Variants in GBF1 observed in about 807,000 individuals in gnomAD.
GBF1 encodes the protein golgi brefeldin A resistant guanine nucleotide exchange factor 1.
In GBF1, 114 loss-of-function variants were observed where a neutral mutation model predicts 210.5. The observed-to-expected ratio is 0.54, with a 90% CI of 0.47 to 0.63. GBF1 has a LOEUF of 0.63. Among genes scored for constraint, GBF1 ranks in the 30% least tolerant of loss-of-function variants. The probability of loss-of-function intolerance (pLI) is 0.00; values close to 1 mark genes in which losing one functional copy is unlikely to be tolerated. For missense variants in GBF1, 1,851 were observed against 2,357.7 expected (o/e 0.79, Z 4.45); for synonymous variants, 850 against 889.2 (o/e 0.96, Z 0.78).
rs1403947097 is a variant in GBF1, at chr10:102,363,133, C to G, written c.1877-123C>G. 6 of 836,884 alleles carry G rather than the reference C, an allele frequency of 7.2e-6. No individual in the cohort carries two copies. The Admixed American group carries it at 1.3e-4, about 18-fold the overall frequency. 51.8% of individuals were successfully genotyped at this position (836,884 alleles called of 1,614,324 possible). A position where few individuals can be genotyped will look rare whatever the true frequency, so the allele number is the denominator to read the frequency against. On this transcript the variant is annotated intron_variant, in intron 15 of 39. Coordinates refer to ENST00000369983, the MANE Select transcript of GBF1 (RefSeq NM_001377137.1). The surrounding 1 kb of genome is among the most constrained non-coding windows in gnomAD (Gnocchi z 4.2). ...CTTATTTTGGCTTGGGTTTGTCCTG[C>G]TCAGGGCTGGCGCCCTGTGCAGGAA...
intron 33 of GBF1, 143 bp from the exon 34 acceptor site, chr10:102,379,141 G>T: frequency 1.4e-6 from 1 of 699,858 alleles, no homozygotes. Flanking sequence ...CAAGTCAAGG[G>T]AAAGAGTAGC....
At chr10:102,323,704 C>T (rs1030477064) in intron 3 of GBF1, among the ~76,000 whole-genome samples, 3 of 151,988 alleles carry the variant, frequency 2.0e-5, no homozygotes, top group Non-Finnish European at 1.5e-5. Flanking sequence ...CCATGCCTGG[C>T]CATAAGCTTG....
chr10:102,295,458 G>A (rs1043636984), intron 3 of GBF1, among the ~76,000 whole-genome samples: 2 of 152,138 alleles, frequency 1.3e-5, no homozygotes, highest in African/African-American at 2.4e-5. Context: ...TGCAAATTGA[G>A]CACTAACTAA....
In GBF1 at chr10:102,273,412, G is replaced by A. The variant is rs572227541; in HGVS notation, c.163+13296G>A. ...TTAAGAAAGATAAGTATTGTTTTTC[G>A]CAACTTGTTTTAGTTAGAAACCTGT... On this transcript the variant is annotated intron_variant, in intron 3 of 39. Transcript: ENST00000369983. 3.9e-5 allele frequency among the ~76,000 whole-genome samples: 6 copies of A among 152,210 alleles called. No homozygotes were observed. The East Asian group carries it at 5.8e-4, about 15-fold the overall frequency.
intron 1 of GBF1, among the ~76,000 whole-genome samples, chr10:102,247,555 G>A (rs1161466556): frequency 6.6e-6 from 1 of 152,170 alleles, no homozygotes; most frequent in Non-Finnish European, 1.5e-5. Flanking sequence ...TAGTCTCTGG[G>A]TAGGCAGTGT....
intron 3 of GBF1, among the ~76,000 whole-genome samples, chr10:102,279,537 G>A (rs1467766753): frequency 6.6e-6 from 1 of 152,078 alleles, no homozygotes; most frequent in African/African-American, 2.4e-5. Context: ...TTGTCCAGGA[G>A]CTTTAAGAGA....
In GBF1 at chr10:102,379,757, C is replaced by T. The variant is rs918946209; in HGVS notation, c.4777-96C>T. The T allele has an allele frequency of 7.1e-5, 104 of 1,469,212 alleles. No individual in the cohort carries two copies. The African/African-American group carries it at 1.2e-3, about 17-fold the overall frequency. The allele number at this position is 1,469,212 out of a possible 1,614,324, so 91.0% of individuals were successfully genotyped here. ...GAGTCTTCAGCCTGCATCATACCTT[C>T]CCTTCAGCTCTATGCCCATCCAGTT... On this transcript the variant is annotated intron_variant, in intron 35 of 39. Transcript: ENST00000369983.
At chr10:102,264,126 A>T (rs1425157346) in intron 3 of GBF1, among the ~76,000 whole-genome samples, 1 of 152,250 alleles carries the variant, frequency 6.6e-6, no homozygotes, top group Non-Finnish European at 1.5e-5. Context: ...ACTGAATTGT[A>T]TACTTGAAAA....
chr10:102,254,516 T>C lies in GBF1; in HGVS notation c.-10-4413T>C, dbSNP rs890938592. On this transcript the variant is annotated intron_variant, in intron 1 of 39. Coordinates refer to ENST00000369983, the MANE Select transcript of GBF1 (RefSeq NM_001377137.1). The stretch of plus-strand genomic sequence containing the variant: ...ATTGTTTCTTTTTCTCCTGCTTTTG[T>C]TGGATATAGACAGAGTTGCCAAGTG... 2.0e-5 allele frequency among the ~76,000 whole-genome samples: 3 copies of C among 152,224 alleles called. No homozygotes were observed. The East Asian group carries it at 5.8e-4, about 29-fold the overall frequency.
At chr10:102,352,672 C>T (rs2059069450) in intron 7 of GBF1, among the ~76,000 whole-genome samples, 154 bp downstream of exon 7, 1 of 152,094 alleles carries the variant, frequency 6.6e-6, no homozygotes, top group South Asian at 2.1e-4. Flanking sequence ...CCCAGGGTTA[C>T]TGAGCAAGGG....
rs1333099005 is a variant in GBF1 at position 102,376,649 on chromosome 10, A to T, written c.4137A>T (p.Gly1379=). The T allele has an allele frequency of 4.3e-6, 7 of 1,613,842 alleles. No homozygotes were observed. The highest frequency in any genetic ancestry group is 5.1e-6 in the Non-Finnish European group (6 of 1,179,870). ...TCAATCAATACAGCCTAACAGTGGG[A>T]CTGGATTTGGGGCCACACGACACTA... is the stretch of plus-strand genomic sequence containing the variant. ...PLINQYSLTV[G]LDLGPHDTKS... The change falls in exon 32 of 40, where the codon GGA becomes GGT. Residue 1379 remains glycine (G), a synonymous_variant. Transcript: ENST00000369983.
upstream of GBF1, among the ~76,000 whole-genome samples, chr10:102,244,605 A>G (rs562591864): frequency 4.3e-4 from 65 of 152,316 alleles, 1 homozygote; most frequent in Middle Eastern, 0.02. Flanking sequence ...TCTGTTTCCT[A>G]TCACTGATGA....
chr10:102,271,288 C>T (rs2074391657), intron 3 of GBF1, among the ~76,000 whole-genome samples: 1 of 152,122 alleles, frequency 6.6e-6, no homozygotes. Context: ...CTGCCCGCCT[C>T]GGCCTCCCCA....
At chr10:102,367,008 C>G in intron 19 of GBF1, 77 bp from the exon 20 acceptor site, 5 of 1,535,660 alleles carry the variant, frequency 3.3e-6, no homozygotes, top group Non-Finnish European at 4.5e-6. Context: ...TGTACTAGCA[C>G]TGACCAGTGG....
At chr10:102,250,519 C>T (rs1018782973) in intron 1 of GBF1, among the ~76,000 whole-genome samples, 7 of 127,164 alleles carry the variant, frequency 5.5e-5, no homozygotes, top group Non-Finnish European at 8.1e-5. Flanking sequence ...CACTATGTCC[C>T]ACTAATTTTT....
At position 102,376,356 on chromosome 10, in the gene GBF1, A is replaced by G. The variant is rs2060494025; in HGVS notation, c.3971A>G (p.Tyr1324Cys). 1 of 1,614,044 alleles carries G rather than the reference A, an allele frequency of 6.2e-7. No homozygotes were observed. Among genetic ancestry groups the G allele is most frequent in the South Asian group, 1.1e-5 (1 of 91,078 alleles). Residue 1324 changes from tyrosine (Y) to cysteine (C), a missense_variant, in exon 31 of 40, where the codon TAC becomes TGC. Transcript: ENST00000369983. ...GGGTACACTTCCGACTCAGAGGTCT[A>G]CACTGACCATGGCAGGCCGGGCAAG... ...DRGYTSDSEVYTDHGRPGKIH... is the reference protein window; with the variant it reads ...DRGYTSDSEVCTDHGRPGKIH...
chr10:102,344,249 C>T (rs1416774609), intron 4 of GBF1, 67 bp downstream of exon 4: 2 of 1,479,878 alleles, frequency 1.4e-6, no homozygotes, highest in East Asian at 4.5e-5. Flanking sequence ...GGTGCCCAGG[C>T]CTTAGGCAAT....
At chr10:102,296,569 C>T (rs758500106) in intron 3 of GBF1, among the ~76,000 whole-genome samples, 2 of 151,688 alleles carry the variant, frequency 1.3e-5, no homozygotes, top group Non-Finnish European at 2.9e-5. Context: ...ATGGTGAAAC[C>T]CCATCTCTAC....
At chr10:102,289,904 G>A (rs1330113456) in intron 3 of GBF1, among the ~76,000 whole-genome samples, 1 of 152,128 alleles carries the variant, frequency 6.6e-6, no homozygotes, top group Non-Finnish European at 1.5e-5. Context: ...GAGCACAGGA[G>A]CTCAAGACCA....
Sources: gnomAD v4.1 joint callset for allele counts (sites outside exome capture counted in the v4.1 genomes callset) on GRCh38, gnomAD v4.1.1 for gene constraint, Gnocchi (gnomAD v3.1) non-coding constraint, MANE v1.5 for transcripts, NCBI Gene and HGNC (gene_info 2026-07-23, HGNC 2026-07-21) for gene names.